HMCN1: variants seen among roughly 807,000 people sequenced by gnomAD.
HMCN1 encodes the protein hemicentin 1.
HMCN1 carries 321 observed loss-of-function variants against 625.9 expected under a neutral mutation model. The observed-to-expected ratio is 0.51, with a 90% CI of 0.47 to 0.56. HMCN1 has a LOEUF of 0.56. HMCN1 is among the 20% of genes least tolerant of loss of function. The probability of loss-of-function intolerance (pLI) is 0.00; values close to 1 mark genes in which losing one functional copy is unlikely to be tolerated. For missense variants in HMCN1, 6,588 were observed against 6,887.3 expected (o/e 0.96, Z 1.54); for synonymous variants, 2,425 against 2,417.6 (o/e 1.00, Z -0.09).
chr1:186,032,314 C>T (rs1655508432), intron 36 of HMCN1, among the ~76,000 whole-genome samples: 1 of 151,974 alleles, frequency 6.6e-6, no homozygotes, highest in Non-Finnish European at 1.5e-5. Flanking sequence ...AAAAAAAACT[C>T]GACATCATTC....
At chr1:186,146,658 G>A (rs562206548) in intron 93 of HMCN1, among the ~76,000 whole-genome samples, 1 of 152,242 alleles carries the variant, frequency 6.6e-6, no homozygotes, top group East Asian at 1.9e-4. Context: ...AAATGTATAG[G>A]ACCTAGACAA....
At position 186,061,912 on chromosome 1, in the gene HMCN1, T is replaced by C; in HGVS notation, c.7374T>C (p.Val2458=). The C allele has an allele frequency of 1.9e-6, 3 of 1,613,120 alleles. No individual in the cohort carries two copies. The highest frequency in any genetic ancestry group is 2.5e-6 in the Non-Finnish European group (3 of 1,179,256). The change falls in exon 47 of 107, where the codon GTT becomes GTC. Residue 2458 remains valine (V), a synonymous_variant. Coordinates refer to ENST00000271588, the MANE Select transcript of HMCN1 (RefSeq NM_031935.3). ...AAGATGCTGGCCAATATACTTGCGT[T>C]GTAAGGAATGCAGCTGGTGAAGAAA... ...TMEDAGQYTC[V]VRNAAGEERK...
intron 42 of HMCN1, among the ~76,000 whole-genome samples, chr1:186,050,173 AAG>A (rs542797892): frequency 4.7e-4 from 72 of 151,870 alleles, no homozygotes; most frequent in African/African-American, 1.5e-3. Flanking sequence ...TGAGAAAAAA[AAG>A]AGAGAAAAAA....
intron 1 of HMCN1, among the ~76,000 whole-genome samples, chr1:185,743,818 T>C (rs1411514749): frequency 6.6e-6 from 1 of 152,154 alleles, no homozygotes; most frequent in East Asian, 1.9e-4. Context: ...TGAAAGTCCT[T>C]TAAAAGTACT....
chr1:185,821,057 A>G (rs1344214058), intron 1 of HMCN1, among the ~76,000 whole-genome samples: 2 of 151,706 alleles, frequency 1.3e-5, no homozygotes, highest in South Asian at 2.1e-4. Context: ...ATATATATCT[A>G]TATATATGCT....
In HMCN1 at chr1:185,980,983, T is replaced by C. The variant is rs375286991; in HGVS notation, c.2572T>C (p.Trp858Arg). ...AAATGAGTTCTTCCTTTTAGACTTA[T>C]GGGCAAGTGATAAAGGAACCTATAT... ...RTGALFILNL[W>R]ASDKGTYICE... The change falls in exon 17 of 107, where the codon TGG becomes CGG. Residue 858 changes from tryptophan to arginine, a missense_variant. This residue lies in a region of HMCN1 where 4,628 missense variants were observed against 4,853.1 expected (regional missense o/e 0.95). Transcript: ENST00000271588. The C allele has an allele frequency of 3.8e-6, 6 of 1,592,572 alleles. No homozygotes were observed. In the South Asian group the frequency reaches 4.4e-5, roughly 12 times the overall value.
intron 1 of HMCN1, among the ~76,000 whole-genome samples, chr1:185,747,609 C>T (rs1269620356): frequency 3.3e-5 from 5 of 152,090 alleles, no homozygotes; most frequent in Non-Finnish European, 4.4e-5. Context: ...CATGAGCCAC[C>T]GCACCCGGCC....
chr1:186,006,817 GC>G (rs1653665168), intron 29 of HMCN1, among the ~76,000 whole-genome samples: 1 of 151,246 alleles, frequency 6.6e-6, no homozygotes, highest in Non-Finnish European at 1.5e-5. Flanking sequence ...TTTAAAAAAA[GC>G]TGAAAAAAGA....
At chr1:186,132,658 T>TA (rs1662005119) in intron 86 of HMCN1, among the ~76,000 whole-genome samples, 1 of 151,888 alleles carries the variant, frequency 6.6e-6, no homozygotes, top group African/African-American at 2.4e-5. Context: ...AGCTTTTTTT[T>TA]TTATTATACT....
At chr1:186,155,152 T>G (rs1650912637) in intron 97 of HMCN1, among the ~76,000 whole-genome samples, 1 of 152,222 alleles carries the variant, frequency 6.6e-6, no homozygotes, top group Non-Finnish European at 1.5e-5. Flanking sequence ...TTTTCAGTGT[T>G]TACTCTTGCT....
At chr1:185,884,877 C>T (rs959974580) in intron 4 of HMCN1, among the ~76,000 whole-genome samples, 4 of 151,802 alleles carry the variant, frequency 2.6e-5, no homozygotes, top group South Asian at 4.1e-4. Context: ...TGGCATTGAT[C>T]GTATCAAAGG....
rs578190634 is a variant in HMCN1 at position 185,760,247 on chromosome 1, G to T, written c.268+25200G>T. On this transcript the variant is annotated intron_variant, in intron 1 of 106. Coordinates refer to ENST00000271588, the MANE Select transcript of HMCN1 (RefSeq NM_031935.3). ...CACCTAGAAGGTGTAAGAATTGAGT[G>T]GTTTCGTCTAGGAGCCAGTCATCAA... 8.2e-4 allele frequency among the ~76,000 whole-genome samples: 125 copies of T among 152,304 alleles called. 1 individual carries two copies. Among genetic ancestry groups the T allele is most frequent in the African/African-American group, 2.9e-3 (122 of 41,558 alleles).
At chr1:185,809,016 T>C (rs560304724) in intron 1 of HMCN1, among the ~76,000 whole-genome samples, 1 of 152,306 alleles carries the variant, frequency 6.6e-6, no homozygotes, top group South Asian at 2.1e-4. Context: ...AGGATCCAAA[T>C]GGGTAATTAC....
intron 1 of HMCN1, among the ~76,000 whole-genome samples, chr1:185,754,080 T>C (rs1654984549): frequency 1.3e-5 from 2 of 152,218 alleles, no homozygotes; most frequent in African/African-American, 2.4e-5. Context: ...GAAATACTAT[T>C]TGGCCTTAAA....
rs774456233 is a variant in HMCN1 at position 186,087,631 on chromosome 1, A to T, written c.9349A>T (p.Ile3117Phe). ...EILADGQMLH[I>F]KKAEVSDTGQ... Reference sequence around the variant, plus strand: ...TTTAGCTGATGGACAAATGCTACACATTAAGAAAGCTGAGGTGCATCTTTT... The same window carrying T: ...TTTAGCTGATGGACAAATGCTACACTTTAAGAAAGCTGAGGTGCATCTTTT... Residue 3117 changes from isoleucine to phenylalanine, a missense_variant, in exon 60 of 107, where the codon ATT becomes TTT. Physicochemically the swap from Ile to Phe is conservative, Grantham distance 21. Around this residue, in one of 3 missense-constraint regions of HMCN1, gnomAD observed 4,628 missense variants for 4,853.1 expected, o/e 0.95. Coordinates refer to ENST00000271588, the MANE Select transcript of HMCN1 (RefSeq NM_031935.3). 2.5e-6 allele frequency: 4 copies of T among 1,613,070 alleles called. No individual in the cohort carries two copies. The highest frequency in any genetic ancestry group is 3.4e-6 in the Non-Finnish European group (4 of 1,179,342).
chr1:185,766,988 A>G (rs1342192001), intron 1 of HMCN1, among the ~76,000 whole-genome samples: 1 of 151,748 alleles, frequency 6.6e-6, no homozygotes, highest in Non-Finnish European at 1.5e-5. Flanking sequence ...ATTTGAGGAA[A>G]AAATAGAATT....
intron 1 of HMCN1, among the ~76,000 whole-genome samples, chr1:185,803,995 T>G: frequency 6.6e-6 from 1 of 152,064 alleles, no homozygotes; most frequent in East Asian, 1.9e-4. Flanking sequence ...ATTTTTGAAA[T>G]ATTCCTCTTA....
At chr1:186,083,663 GAAGT>G (rs1659309299) in intron 57 of HMCN1, among the ~76,000 whole-genome samples, 2 of 152,110 alleles carry the variant, frequency 1.3e-5, no homozygotes, top group African/African-American at 4.8e-5. Context: ...GCTCATTTTG[GAAGT>G]AACTGAAATT....
rs187534603 is a variant in HMCN1, at chr1:186,024,611, T to C, written c.5749+1458T>C. The stretch of plus-strand genomic sequence containing the variant: ...TAAATTCTATGCTAAACATGATGTA[T>C]GTTACCTTGAGTAAACTACTTAATT... On this transcript the variant is annotated intron_variant, in intron 36 of 106. Transcript: ENST00000271588. Among the ~76,000 whole-genome samples the C allele has an allele frequency of 2.8e-3, 425 of 152,336 alleles. 2 individuals are homozygous for C. The highest frequency in any genetic ancestry group is 9.4e-3 in the African/African-American group (389 of 41,586).
Sources: gnomAD v4.1 joint callset for allele counts (sites outside exome capture counted in the v4.1 genomes callset) on GRCh38, gnomAD v4.1.1 for gene constraint, gnomAD v4.1.1 regional missense constraint, MANE v1.5 for transcripts, NCBI Gene and HGNC (gene_info 2026-07-23, HGNC 2026-07-21) for gene names.